The following AFF2 variants were observed in gnomAD, a reference collection of about 807,000 sequenced individuals.
AFF2 encodes the protein AF4/FMR2 family member 2.
A neutral mutation model predicts 76.9 loss-of-function variants in AFF2; 14 were observed. That is an observed-to-expected ratio of 0.18 (90% CI 0.12 to 0.28). The LOEUF (loss-of-function observed/expected upper bound fraction) is 0.28. AFF2 is among the 10% of genes least tolerant of loss of function. The pLI is 1.00. For synonymous variants in AFF2, 398 were observed against 366.7 expected, an observed-to-expected ratio of 1.09 and a Z score of -0.98; for missense variants, 868 against 1,001.1, an observed-to-expected ratio of 0.87 and a Z score of 1.79.
intron 1 of AFF2, among the ~76,000 whole-genome samples, chrX:148,541,825 G>T (rs2052860721): frequency 9.1e-6 from 1 of 109,308 alleles, no homozygotes; most frequent in Non-Finnish European, 1.9e-5. Context: ...ATTTCACCAT[G>T]CTCTTTTATG....
At chrX:148,868,983 A>G (rs1357023277) in intron 7 of AFF2, among the ~76,000 whole-genome samples, 1 of 112,823 alleles carries the variant, frequency 8.9e-6, no homozygotes, top group Non-Finnish European at 1.9e-5. Flanking sequence ...AGGTTTCAAC[A>G]TGAATTTTGA....
At chrX:148,701,029 T>A (rs1388201752) in intron 3 of AFF2, among the ~76,000 whole-genome samples, 1 of 108,494 alleles carries the variant, frequency 9.2e-6, no homozygotes, top group African/African-American at 3.4e-5. Context: ...TGTGTGTGTG[T>A]GTGTGTGTGT....
At chrX:148,761,799 A>T (rs1450262510) in intron 3 of AFF2, among the ~76,000 whole-genome samples, 1 of 110,427 alleles carries the variant, frequency 9.1e-6, no homozygotes, top group Non-Finnish European at 1.9e-5. Context: ...AGATTTGCTG[A>T]TGGGTGACAG....
chrX:148,667,742 C>T (rs2054374325), intron 3 of AFF2, among the ~76,000 whole-genome samples: 1 of 111,515 alleles, frequency 9.0e-6, no homozygotes, highest in South Asian at 3.8e-4. Flanking sequence ...TCAATTACTT[C>T]CTATTGGGTT....
At chrX:148,530,801 C>T (rs1233896808) in intron 1 of AFF2, among the ~76,000 whole-genome samples, 2 of 111,349 alleles carry the variant, frequency 1.8e-5, no homozygotes, top group Admixed American at 1.9e-4. Context: ...ACAAGTATAT[C>T]CTATAGGTAT....
intron 3 of AFF2, among the ~76,000 whole-genome samples, chrX:148,771,467 C>T (rs915641689): frequency 3.6e-5 from 4 of 112,040 alleles, no homozygotes; most frequent in African/African-American, 1.3e-4. Flanking sequence ...TTCTCTTTTC[C>T]ATGTGTAATT....
At chrX:148,614,752 TTC>T (rs2053776765) in intron 1 of AFF2, among the ~76,000 whole-genome samples, 1 of 71,798 alleles carries the variant, frequency 1.4e-5, no homozygotes, top group African/African-American at 7.3e-5. Flanking sequence ...CTTTCTTTCT[TTC>T]TTTCTTTCTT....
At chrX:148,787,806 G>A (rs782737573) in intron 3 of AFF2, among the ~76,000 whole-genome samples, 8 of 111,908 alleles carry the variant, frequency 7.1e-5, no homozygotes, top group African/African-American at 1.3e-4. Flanking sequence ...ATATAGATAC[G>A]TATATTTGTC....
chrX:148,676,969 AG>A (rs2054493375), intron 3 of AFF2, among the ~76,000 whole-genome samples: 2 of 111,223 alleles, frequency 1.8e-5, no homozygotes, highest in South Asian at 7.7e-4. Flanking sequence ...GATGATTGGC[AG>A]GGGAGTTGGG....
chrX:148,842,548 T>C (rs2070613623), intron 5 of AFF2, among the ~76,000 whole-genome samples: 1 of 112,425 alleles, frequency 8.9e-6, no homozygotes, highest in Non-Finnish European at 1.9e-5. Flanking sequence ...TTTACAGTTT[T>C]ACAAAAAACA....
At chrX:148,770,534 A>G (rs781889531) in intron 3 of AFF2, among the ~76,000 whole-genome samples, 2 of 111,408 alleles carry the variant, frequency 1.8e-5, no homozygotes, top group Non-Finnish European at 3.8e-5. Flanking sequence ...ATGGACAAAG[A>G]GGTAGAAACT....
chrX:148,668,119 A>C (rs1196468708), intron 3 of AFF2, among the ~76,000 whole-genome samples: 1 of 113,116 alleles, frequency 8.8e-6, no homozygotes, highest in Non-Finnish European at 1.9e-5. Context: ...CAAGTCCAAA[A>C]TCCAGCAGGG....
At chrX:148,612,111 A>G (rs1452421644) in intron 1 of AFF2, among the ~76,000 whole-genome samples, 2 of 112,019 alleles carry the variant, frequency 1.8e-5, no homozygotes, top group Non-Finnish European at 3.8e-5. Flanking sequence ...ACCATAGAGA[A>G]TTATGTACTG....
At chrX:148,905,068 A>G (rs959703679) in intron 9 of AFF2, among the ~76,000 whole-genome samples, 2 of 112,305 alleles carry the variant, frequency 1.8e-5, no homozygotes, top group Middle Eastern at 4.6e-3. Flanking sequence ...GACTTCCTTT[A>G]TAGTTGGTAC....
chrX:148,557,970 G>A lies in AFF2; in HGVS notation c.47+56826G>A, dbSNP rs1361362104. On this transcript the variant is annotated intron_variant, in intron 1 of 20. Coordinates refer to ENST00000370460, the MANE Select transcript of AFF2 (RefSeq NM_002025.4). Reference sequence around the variant, plus strand: ...ACACAGCTTGTAAAATGCTGAGCTGGGATGAAAAGTCAGGCCAGTCTAACT... The same window carrying A: ...ACACAGCTTGTAAAATGCTGAGCTGAGATGAAAAGTCAGGCCAGTCTAACT... Among the ~76,000 whole-genome samples the A allele has an allele frequency of 3.6e-5, 4 of 111,629 alleles. No homozygotes were observed. In the East Asian group the frequency reaches 1.1e-3, roughly 32 times the overall value.
At chrX:148,584,939 T>A (rs2053452210) in intron 1 of AFF2, among the ~76,000 whole-genome samples, 1 of 111,456 alleles carries the variant, frequency 9.0e-6, no homozygotes, top group African/African-American at 3.3e-5. Context: ...GAACATCAGA[T>A]CTAATTGGAG....
At chrX:148,945,173 C>T (rs1036276527) in intron 9 of AFF2, among the ~76,000 whole-genome samples, 8 of 111,383 alleles carry the variant, frequency 7.2e-5, no homozygotes, top group Admixed American at 5.7e-4. Flanking sequence ...ATCCATAGGA[C>T]GTGCTCACAG....
At chrX:148,878,517 C>T (rs782446999) in intron 7 of AFF2, among the ~76,000 whole-genome samples, 3 of 111,626 alleles carry the variant, frequency 2.7e-5, no homozygotes, top group Admixed American at 9.5e-5. Flanking sequence ...TACCAAGCCT[C>T]GTATATGGTC....
At chrX:148,708,040 C>G (rs1280676633) in intron 3 of AFF2, among the ~76,000 whole-genome samples, 1 of 111,986 alleles carries the variant, frequency 8.9e-6, no homozygotes, top group Non-Finnish European at 1.9e-5. Flanking sequence ...CCCCCTAAAT[C>G]TTTTAAATCC....
Sources: allele counts gnomAD v4.1 joint callset (sites outside exome capture counted in the v4.1 genomes callset), GRCh38; gene constraint gnomAD v4.1.1; transcripts MANE v1.5; gene names NCBI Gene and HGNC (gene_info 2026-07-23, HGNC 2026-07-21).